ARL5B: variants seen among roughly 807,000 people sequenced by gnomAD.
ARL5B encodes the protein ARF like GTPase 5B.
Under a neutral mutation model 26.9 loss-of-function variants are expected in ARL5B, and 10 were observed. That is an observed-to-expected ratio of 0.37 (90% confidence interval 0.23 to 0.63). The LOEUF (loss-of-function observed/expected upper bound fraction) is 0.63. Among genes scored for constraint, ARL5B ranks in the 30% least tolerant of loss-of-function variants. The pLI is 0.62. For missense variants in ARL5B, 167 were observed against 213.9 expected (o/e 0.78, Z 1.37); for synonymous variants, 87 against 70.4 (o/e 1.24, Z -1.18).
chr10:18,662,706 G>GT (rs567866255), intron 1 of ARL5B, among the ~76,000 whole-genome samples: 367 of 135,584 alleles, frequency 2.7e-3, no homozygotes, highest in Non-Finnish European at 3.0e-3. Context: ...TTGTTTGTTT[G>GT]TTTTTTTTTT....
At chr10:18,662,619 T>G (rs563020256) in intron 1 of ARL5B, among the ~76,000 whole-genome samples, 1 of 152,274 alleles carries the variant, frequency 6.6e-6, no homozygotes, top group African/African-American at 2.4e-5. Context: ...TAAATTTCTT[T>G]TGAACTTTTG....
chr10:18,679,644 A>G lies in ARL5B; in HGVS notation c.*4428A>G, dbSNP rs901581360. ...AACTATTCCATTTTAAATTTAAAGC[A>G]GAAAAAAAAATTGTGCCCCTCAGAC... On this transcript the variant is annotated 3_prime_UTR_variant, in exon 6 of 6. Transcript: ENST00000377275. The G allele has an allele frequency of 1.1e-4, 16 of 151,962 alleles. No homozygotes were observed. Among genetic ancestry groups the G allele is most frequent in the African/African-American group, 3.6e-4 (15 of 41,412 alleles). The allele number at this position is 151,962 out of a possible 1,614,324, so 9.4% of individuals were successfully genotyped here.
In ARL5B at chr10:18,659,455, C is replaced by A. The variant is rs2059815353; in HGVS notation, c.-183C>A. The A allele has an allele frequency of 6.9e-6, 5 of 729,094 alleles. No homozygotes were observed. Among genetic ancestry groups the A allele is most frequent in the South Asian group, 4.0e-5 (2 of 49,490 alleles). The allele number at this position is 729,094 out of a possible 1,614,324, so 45.2% of individuals were successfully genotyped here. On this transcript the variant is annotated 5_prime_UTR_variant, in exon 1 of 6. Transcript: ENST00000377275. The stretch of plus-strand genomic sequence containing the variant: ...CAGTGGGCTCGAAACAAAGGGCTGT[C>A]CGGTGGGGATTCGTCGCGGCGCCTT...
intron 1 of ARL5B, among the ~76,000 whole-genome samples, chr10:18,660,622 AGTT>A (rs1018618622): frequency 5.3e-5 from 8 of 152,288 alleles, no homozygotes; most frequent in Admixed American, 5.2e-4. Flanking sequence ...GGATTTAAGA[AGTT>A]GTGGAGGTAA....
At chr10:18,671,928 T>C (rs965055816) in intron 3 of ARL5B, among the ~76,000 whole-genome samples, 10 of 152,172 alleles carry the variant, frequency 6.6e-5, no homozygotes, top group Non-Finnish European at 8.8e-5. Flanking sequence ...TGGGATTATA[T>C]GTGTGTGAGC....
chr10:18,659,782 G>T, intron 1 of ARL5B, 99 bp downstream of exon 1: 1 of 1,550,776 alleles, frequency 6.4e-7, no homozygotes, highest in Non-Finnish European at 8.7e-7. Context: ...TCGGAGACGC[G>T]GAGGAGGAAG....
chr10:18,669,569 T>A (rs1383006893), intron 3 of ARL5B, among the ~76,000 whole-genome samples: 2 of 152,220 alleles, frequency 1.3e-5, no homozygotes, highest in African/African-American at 4.8e-5. Flanking sequence ...CAGATTTTTT[T>A]AAAAGCCATT....
intron 3 of ARL5B, among the ~76,000 whole-genome samples, chr10:18,669,845 T>C (rs1442146070): frequency 6.6e-6 from 1 of 151,856 alleles, no homozygotes; most frequent in East Asian, 1.9e-4. Flanking sequence ...TACAAAAAAC[T>C]AGCCGGGCGT....
At chr10:18,664,863 A>T (rs2059854136) in intron 1 of ARL5B, among the ~76,000 whole-genome samples, 3 of 152,196 alleles carry the variant, frequency 2.0e-5, no homozygotes, top group African/African-American at 7.2e-5. Flanking sequence ...TGCAAAAGTG[A>T]AGCAAGGAGC....
intron 1 of ARL5B, among the ~76,000 whole-genome samples, chr10:18,661,976 A>T (rs1229526465): frequency 6.6e-6 from 1 of 152,188 alleles, no homozygotes; most frequent in Non-Finnish European, 1.5e-5. Context: ...TCCAGTGTTG[A>T]CTAAGACATT....
chr10:18,659,741 A>T, intron 1 of ARL5B, 58 bp downstream of exon 1: 7 of 1,594,018 alleles, frequency 4.4e-6, no homozygotes, highest in Non-Finnish European at 4.3e-6. Flanking sequence ...CCCGCCGCCG[A>T]TGGGGACACC....
At chr10:18,671,912 G>C (rs77361891) in intron 3 of ARL5B, among the ~76,000 whole-genome samples, 4,434 of 152,186 alleles carry the variant, frequency 0.029, 208 homozygotes, top group African/African-American at 0.1. Flanking sequence ...TCACCTCCCA[G>C]AGTGCTGGGA....
chr10:18,669,650 A>G (rs2059877731), intron 3 of ARL5B, among the ~76,000 whole-genome samples: 1 of 149,620 alleles, frequency 6.7e-6, no homozygotes, highest in Non-Finnish European at 1.5e-5. Flanking sequence ...TGTTCTTTGC[A>G]AAGAAGTACA....
chr10:18,668,405 A>G (rs2059871139), intron 2 of ARL5B, 125 bp from the exon 3 acceptor site: 2 of 977,562 alleles, frequency 2.0e-6, no homozygotes, highest in Middle Eastern at 2.9e-4. Flanking sequence ...CCAGGTTTAT[A>G]ATTTTCATGC....
At chr10:18,660,397 G>T (rs1475783864) in intron 1 of ARL5B, among the ~76,000 whole-genome samples, 2 of 152,156 alleles carry the variant, frequency 1.3e-5, no homozygotes. Flanking sequence ...GTCTTCTGAA[G>T]AGAGAAAACA....
At chr10:18,668,770 CTTTTTTTT>C in intron 3 of ARL5B, 93 bp downstream of exon 3, 1 of 904,416 alleles carries the variant, frequency 1.1e-6, no homozygotes, top group Non-Finnish European at 1.5e-6. Context: ...TGACAGTTGC[CTTTTTTTT>C]TTTTTTTTTT....
intron 1 of ARL5B, among the ~76,000 whole-genome samples, chr10:18,660,317 C>G (rs764823473): frequency 6.6e-6 from 1 of 152,082 alleles, no homozygotes; most frequent in African/African-American, 2.4e-5. Context: ...GGTAATGAGA[C>G]ACCTGGAAGT....
Position 18,659,595 on chromosome 10 carries a change from C to A in ARL5B, c.-43C>A, listed in dbSNP as rs771426980. On this transcript the variant is annotated 5_prime_UTR_variant, in exon 1 of 6. Transcript: ENST00000377275. ...CGCGGTGGGGGACCCGGCGCAGCGG[C>A]ACCTGCTGCCGAGGGACCCCGCGGC... 2 of 1,589,830 alleles carry A rather than the reference C, an allele frequency of 1.3e-6. No homozygotes were observed. The highest frequency in any genetic ancestry group is 2.7e-5 in the African/African-American group (2 of 72,900).
At chr10:18,664,200 C>T (rs1287697023) in intron 1 of ARL5B, among the ~76,000 whole-genome samples, 1 of 152,072 alleles carries the variant, frequency 6.6e-6, no homozygotes, top group Non-Finnish European at 1.5e-5. Context: ...GGTCTGCCCA[C>T]CTCAGCCTAC....
Sources: gnomAD v4.1 joint callset for allele counts (sites outside exome capture counted in the v4.1 genomes callset) on GRCh38, gnomAD v4.1.1 for gene constraint, MANE v1.5 for transcripts, NCBI Gene and HGNC (gene_info 2026-07-23, HGNC 2026-07-21) for gene names.